ITGB2: variants seen among roughly 807,000 people sequenced by gnomAD.
The protein encoded by ITGB2 is integrin beta-2.
Under a neutral mutation model 86.8 loss-of-function variants are expected in ITGB2, and 56 were observed. That is an observed-to-expected ratio of 0.65 (90% CI 0.52 to 0.81). The LOEUF (loss-of-function observed/expected upper bound fraction) is 0.81, where lower values mean the gene tolerates loss of function less well. ITGB2 is among the 30% of genes least tolerant of loss of function. ITGB2 has a pLI of 0.00. For synonymous variants in ITGB2, 457 were observed against 450.4 expected (o/e 1.01, Z -0.19); for missense variants, 948 against 1,061.2 (o/e 0.89, Z 1.48).
At chr21:44,915,197 T>G (rs997971284) in intron 1 of ITGB2, among the ~76,000 whole-genome samples, 4 of 152,158 alleles carry the variant, frequency 2.6e-5, no homozygotes, top group African/African-American at 9.7e-5. Context: ...CTAATTTTTT[T>G]GTGTTTTTAG....
intron 10 of ITGB2, 137 bp downstream of exon 10, chr21:44,893,267 T>G: frequency 9.8e-7 from 1 of 1,017,156 alleles, no homozygotes; most frequent in Non-Finnish European, 1.5e-6. Flanking sequence ...CCCGTCAGAG[T>G]GCTGGGATGG....
At chr21:44,920,060 G>A (rs760586745) in intron 1 of ITGB2, among the ~76,000 whole-genome samples, 3 of 152,124 alleles carry the variant, frequency 2.0e-5, no homozygotes, top group Admixed American at 6.5e-5. Flanking sequence ...AGCGGTGCCC[G>A]CTCCCCTACA....
At chr21:44,894,075 C>G (rs1189734194) in intron 9 of ITGB2, 1 of 250,382 alleles carries the variant, frequency 4.0e-6, no homozygotes, top group African/African-American at 2.2e-5. Flanking sequence ...GGCAGAGGGA[C>G]AGGTTCATAG....
Position 44,893,443 on chromosome 21 carries a change from C to G in ITGB2, c.1185G>C (p.Gln395His), listed in dbSNP as rs1443375353. The change falls in exon 10 of 16, where the codon CAG becomes CAC. Residue 395 changes from glutamine to histidine, a missense_variant. Transcript: ENST00000652462. ...FCSNGVTHRN[Q>H]PRGDCDGVQI... The stretch of plus-strand genomic sequence containing the variant: ...GCACGCCATCACAGTCACCTCTGGG[C>G]TGGTTCCTGTGCGTCACTCCATTGC... The G allele has an allele frequency of 6.2e-7, 1 of 1,614,164 alleles. No individual in the cohort carries two copies. Among genetic ancestry groups the G allele is most frequent in the Non-Finnish European group, 8.5e-7 (1 of 1,180,012 alleles).
chr21:44,886,568 GCA>G, intron 15 of ITGB2, 138 bp from the exon 16 acceptor site: 1 of 1,394,400 alleles, frequency 7.2e-7, no homozygotes, highest in Non-Finnish European at 1.0e-6. Flanking sequence ...CAGGGTCCCA[GCA>G]CCGGCAGCCA....
chr21:44,916,124 T>C (rs2084205907), intron 1 of ITGB2, among the ~76,000 whole-genome samples: 1 of 152,128 alleles, frequency 6.6e-6, no homozygotes, highest in South Asian at 2.1e-4. Context: ...AGTTTCACCA[T>C]ATTGGCCAGG....
At chr21:44,895,774 A>G (rs1364223806) in intron 8 of ITGB2, among the ~76,000 whole-genome samples, 2 of 149,340 alleles carry the variant, frequency 1.3e-5, no homozygotes, top group East Asian at 4.1e-4. Flanking sequence ...GGAGGTCGCA[A>G]TGAGCTGAGA....
intron 2 of ITGB2, 171 bp downstream of exon 2, chr21:44,910,554 C>T: frequency 7.1e-7 from 1 of 1,414,628 alleles, no homozygotes; most frequent in Non-Finnish European, 9.8e-7. Flanking sequence ...AGCACAGCTA[C>T]AGCCTCCTGG....
At chr21:44,906,032 CTGGGAGG>C (rs1342806197) in intron 4 of ITGB2, among the ~76,000 whole-genome samples, 2 of 152,104 alleles carry the variant, frequency 1.3e-5, no homozygotes, top group Admixed American at 1.3e-4. Flanking sequence ...TCACTGTGGC[CTGGGAGG>C]TCACAGGTCG....
chr21:44,919,616 G>A (rs1306338029), intron 1 of ITGB2, among the ~76,000 whole-genome samples: 5 of 152,190 alleles, frequency 3.3e-5, no homozygotes, highest in Admixed American at 1.3e-4. Flanking sequence ...CAGGCGTTGC[G>A]CCACCGTCAC....
upstream of ITGB2, among the ~76,000 whole-genome samples, chr21:44,925,285 C>A (rs2084357239): frequency 6.6e-6 from 1 of 151,440 alleles, no homozygotes; most frequent in Non-Finnish European, 1.5e-5. Flanking sequence ...TTCTTTCTTT[C>A]TTTTTTTAAT....
At chr21:44,925,993 T>C (rs560394028) in intron 1 of ITGB2, among the ~76,000 whole-genome samples, 59 of 152,282 alleles carry the variant, frequency 3.9e-4, no homozygotes, top group Admixed American at 6.5e-4. Context: ...TAGTCCCAGC[T>C]ACTTGGGAGG....
intron 7 of ITGB2, among the ~76,000 whole-genome samples, chr21:44,899,671 A>G (rs556038594): frequency 1.3e-5 from 2 of 152,324 alleles, no homozygotes; most frequent in South Asian, 2.1e-4. Context: ...CAGCGAGGAC[A>G]AGCCCCTTGT....
At chr21:44,887,941 A>G (rs2083723013) in intron 14 of ITGB2, among the ~76,000 whole-genome samples, 1 of 152,180 alleles carries the variant, frequency 6.6e-6, no homozygotes, top group Admixed American at 6.5e-5. Context: ...GCTGCTGGCC[A>G]TGCCTGATGG....
intron 1 of ITGB2, among the ~76,000 whole-genome samples, chr21:44,916,234 T>C (rs1446610304): frequency 6.6e-6 from 1 of 152,098 alleles, no homozygotes; most frequent in African/African-American, 2.4e-5. Context: ...TAGCACAAAT[T>C]TTAAAGGCCA....
At chr21:44,894,421 A>G (rs1322950693) in intron 9 of ITGB2, 1 of 185,928 alleles carries the variant, frequency 5.4e-6, no homozygotes, top group Non-Finnish European at 1.2e-5. Flanking sequence ...AATGGCACCT[A>G]GTGCGCACCT....
upstream of ITGB2, among the ~76,000 whole-genome samples, chr21:44,922,458 T>A (rs1295366404): frequency 2.0e-5 from 3 of 150,652 alleles, no homozygotes; most frequent in Admixed American, 6.6e-5. Flanking sequence ...AGCCCAGGAG[T>A]TCGAGACCAG....
Position 44,893,550 on chromosome 21 carries a change from G to A in ITGB2, c.1084-6C>T, listed in dbSNP as rs2083821673. 1.2e-6 allele frequency: 2 copies of A among 1,613,752 alleles called. No individual in the cohort carries two copies. Among genetic ancestry groups the A allele is most frequent in the South Asian group, 1.1e-5 (1 of 91,072 alleles). On this transcript the variant is annotated splice_polypyrimidine_tract_variant and splice_region_variant and intron_variant, in intron 9 of 15. Transcript: ENST00000652462. ...AAGACCCTGGAGGAGAGTTTCTGCG[G>A]GCAGAGAGCGGTTACTCTTGGGGGC...
chr21:44,891,537 A>G (rs551965276), intron 11 of ITGB2, among the ~76,000 whole-genome samples: 2 of 152,342 alleles, frequency 1.3e-5, no homozygotes, highest in Non-Finnish European at 2.9e-5. Flanking sequence ...CCTGCCCACA[A>G]GTCCCCTGCC....
Sources: allele counts gnomAD v4.1 joint callset (sites outside exome capture counted in the v4.1 genomes callset), GRCh38; gene constraint gnomAD v4.1.1; transcripts MANE v1.5; gene names NCBI Gene and HGNC (gene_info 2026-07-23, HGNC 2026-07-21).